CRAT: variants seen among roughly 807,000 people sequenced by gnomAD.
The protein encoded by CRAT is carnitine O-acetyltransferase.
CRAT carries 66 observed loss-of-function variants against 73.7 expected under a neutral mutation model. That is an observed-to-expected ratio of 0.90 (90% CI 0.73 to 1.10). The LOEUF (loss-of-function observed/expected upper bound fraction) is 1.10, where lower values mean the gene tolerates loss of function less well. Among genes scored for constraint, CRAT ranks in the 50% least tolerant of loss-of-function variants. The pLI, the probability that CRAT is intolerant of heterozygous loss-of-function variation, is 0.00. For synonymous variants in CRAT, 321 were observed against 343.2 expected (o/e 0.94, Z 0.71); for missense variants, 745 against 846.9 (o/e 0.88, Z 1.49).
At chr9:129,100,961 G>A (rs535539779) in intron 6 of CRAT, among the ~76,000 whole-genome samples, 1 of 152,296 alleles carries the variant, frequency 6.6e-6, no homozygotes, top group South Asian at 2.1e-4. Context: ...GGAAACCGAA[G>A]CCCAGGGGTC....
chr9:129,100,754 C>T (rs1847623239), intron 6 of CRAT, 65 bp from the exon 7 acceptor site: 2 of 1,529,186 alleles, frequency 1.3e-6, no homozygotes, highest in Non-Finnish European at 1.8e-6. Flanking sequence ...GATGGACCAG[C>T]CCCTCCGCAG....
rs1051784627 is a variant in CRAT, at chr9:129,101,808, A to G, written c.805+75T>C. 61 of 1,510,536 alleles carry G rather than the reference A, an allele frequency of 4.0e-5. 1 individual carries two copies. The highest frequency in any genetic ancestry group is 5.3e-5 in the Non-Finnish European group (59 of 1,110,236). The allele number at this position is 1,510,536 out of a possible 1,614,324, so 93.6% of individuals were successfully genotyped here. A position where few individuals can be genotyped will look rare whatever the true frequency, so the allele number is the denominator to read the frequency against. On this transcript the variant is annotated intron_variant, in intron 6 of 13. Transcript: ENST00000318080. The stretch of plus-strand genomic sequence containing the variant: ...TGCCAGCAGACTTCGGGTACCCTAC[A>G]GGTGGAGTTGAGGCTGGTCCCCAAC...
Position 129,097,998 on chromosome 9 carries a change from C to A in CRAT, c.1464+15G>T, listed in dbSNP as rs1285671163. 6.2e-7 allele frequency: 1 copy of A among 1,611,660 alleles called. No individual in the cohort carries two copies. The highest frequency in any genetic ancestry group is 8.5e-7 in the Non-Finnish European group (1 of 1,179,262). On this transcript the variant is annotated intron_variant, in intron 11 of 13. Transcript: ENST00000318080. ...CTCAGGCCCAGCTCACCCACCCTCG[C>A]CCCAGACCTCTCACCGTGACGCTGG...
In CRAT at chr9:129,102,411, G is replaced by A; in HGVS notation, c.619C>T (p.His207Tyr). 1.9e-6 allele frequency: 3 copies of A among 1,614,172 alleles called. No homozygotes were observed. The highest frequency in any genetic ancestry group is 2.5e-6 in the Non-Finnish European group (3 of 1,180,008). Residue 207 changes from histidine (H) to tyrosine (Y), a missense_variant, in exon 5 of 14, where the codon CAC becomes TAC. His to Tyr is a moderately conservative substitution (Grantham distance 83). Transcript: ENST00000318080. ...TGGGGGCCACCCACCTGGTAGTTGT[G>A]TACCACGGTGATGTGCGTGGGAGGC... ...KKPPTHITVV[H>Y]NYQFFELDVY...
chr9:129,099,050 C>A (rs1847485480), intron 8 of CRAT, among the ~76,000 whole-genome samples: 1 of 151,854 alleles, frequency 6.6e-6, no homozygotes, highest in Admixed American at 6.6e-5. Context: ...TCTCGGCTCA[C>A]TGCAACCTCC....
In CRAT at chr9:129,100,819, C is replaced by T. The variant is rs908243135; in HGVS notation, c.806-130G>A. 111 of 1,118,110 alleles carry T rather than the reference C, an allele frequency of 9.9e-5. No individual in the cohort carries two copies. The East Asian group carries it at 2.4e-3, about 24-fold the overall frequency. 69.3% of individuals were successfully genotyped at this position (1,118,110 alleles called of 1,614,324 possible). Reference sequence around the variant, plus strand: ...TGTACCTCTCTGGGATGAGGAGACCCCCCACCTCGCCGGCCCTCCAGGGCA... The same window carrying T: ...TGTACCTCTCTGGGATGAGGAGACCTCCCACCTCGCCGGCCCTCCAGGGCA... On this transcript the variant is annotated intron_variant, in intron 6 of 13. Transcript: ENST00000318080.
At chr9:129,101,481 G>A (rs1847668317) in intron 6 of CRAT, among the ~76,000 whole-genome samples, 1 of 152,224 alleles carries the variant, frequency 6.6e-6, no homozygotes, top group Admixed American at 6.5e-5. Context: ...ACACTGGGAA[G>A]TGGACAGATG....
intron 1 of CRAT, chr9:129,109,249 G>A: frequency 7.7e-7 from 1 of 1,304,228 alleles, no homozygotes; most frequent in Non-Finnish European, 1.0e-6. Context: ...CCTGGCCGCT[G>A]AGGTTACACC....
Position 129,094,922 on chromosome 9 carries a change from G to A in CRAT, c.*475C>T, listed in dbSNP as rs939777814. 2.8e-5 allele frequency: 5 copies of A among 179,102 alleles called. No individual in the cohort carries two copies. Among genetic ancestry groups the A allele is most frequent in the Admixed American group, 5.5e-5 (1 of 18,116 alleles). The allele number at this position is 179,102 out of a possible 1,614,324, so 11.1% of individuals were successfully genotyped here. On this transcript the variant is annotated 3_prime_UTR_variant, in exon 14 of 14. Transcript: ENST00000318080. ...CAATGTTATCCACAGGAGCACAGCCGCAACGGAGGTGAAACCTCACACCCT... is the reference window on the plus strand; with the variant it reads ...CAATGTTATCCACAGGAGCACAGCCACAACGGAGGTGAAACCTCACACCCT...
intron 2 of CRAT, among the ~76,000 whole-genome samples, chr9:129,104,903 CT>C (rs36193924): frequency 7.6e-4 from 79 of 103,464 alleles, no homozygotes; most frequent in East Asian, 2.7e-3. Context: ...TGTGCCCGGT[CT>C]TTTTTTTTTT....
Position 129,110,474 on chromosome 9 carries a change from C to G in CRAT, c.27+9G>C. The G allele has an allele frequency of 1.3e-6, 2 of 1,583,082 alleles. No homozygotes were observed. The highest frequency in any genetic ancestry group is 1.7e-6 in the Non-Finnish European group (2 of 1,171,584). On this transcript the variant is annotated intron_variant, in intron 1 of 13. Coordinates refer to ENST00000318080, the MANE Select transcript of CRAT (RefSeq NM_000755.5). This position sits in a 1 kb window ranked among gnomAD's most constrained non-coding sequence, Gnocchi z 5.3. ...CAGGGCCCTCAGGCCCGGGATCCGC[C>G]GCACTCACCACGGTCCTGGCAGCGA... is the stretch of plus-strand genomic sequence containing the variant.
Position 129,102,696 on chromosome 9 carries a change from A to G in CRAT, c.465-131T>C. On this transcript the variant is annotated intron_variant, in intron 4 of 13. Transcript: ENST00000318080. ...CTGCTCCCACTCCCAGATGAGCAGGACACCTCAGGGCTGTGCTGTGGGCAG... is the reference window on the plus strand; with the variant it reads ...CTGCTCCCACTCCCAGATGAGCAGGGCACCTCAGGGCTGTGCTGTGGGCAG... 6.4e-6 allele frequency: 7 copies of G among 1,091,448 alleles called. No individual in the cohort carries two copies. In the South Asian group the frequency reaches 9.8e-5, roughly 15 times the overall value. 67.6% of individuals were successfully genotyped at this position (1,091,448 alleles called of 1,614,324 possible). A position where few individuals can be genotyped will look rare whatever the true frequency, so the allele number is the denominator to read the frequency against.
At chr9:129,102,331 G>A (rs1382492296) in intron 5 of CRAT, 69 bp downstream of exon 5, 18 of 1,594,404 alleles carry the variant, frequency 1.1e-5, no homozygotes, top group Admixed American at 6.7e-5. Context: ...TGGGGAAGCC[G>A]ACTGCGGCCG....
rs200106516 is a variant in CRAT at position 129,107,738 on chromosome 9, G to A, written c.291+76C>T. ...AACTCTGGGCAGCAAACGAACGGCC[G>A]TGCCAGAGCAGTGGGCACTGGAGAA... On this transcript the variant is annotated intron_variant, in intron 2 of 13. Transcript: ENST00000318080. This position sits in a 1 kb window ranked among gnomAD's most constrained non-coding sequence, Gnocchi z 5.0. 74 of 1,603,896 alleles carry A rather than the reference G, an allele frequency of 4.6e-5. No homozygotes were observed. Among genetic ancestry groups the A allele is most frequent in the Non-Finnish European group, 5.6e-5 (66 of 1,172,820 alleles).
intron 2 of CRAT, among the ~76,000 whole-genome samples, chr9:129,105,560 G>A (rs1013583193): frequency 2.0e-5 from 3 of 151,850 alleles, no homozygotes; most frequent in Non-Finnish European, 4.4e-5. Context: ...GACCTCAAAT[G>A]ATCCACCTGC....
chr9:129,100,295 T>G, intron 7 of CRAT: 1 of 607,946 alleles, frequency 1.6e-6, no homozygotes. Flanking sequence ...GCTGAGGGGG[T>G]GTGCTGGGGG....
rs988846895 is a variant in CRAT at position 129,107,038 on chromosome 9, C to CT, written c.291+775dup. Among the ~76,000 whole-genome samples the CT allele has an allele frequency of 8.0e-5, 12 of 149,638 alleles. No homozygotes were observed. Among genetic ancestry groups the CT allele is most frequent in the Admixed American group, 2.7e-4 (4 of 14,972 alleles). On this transcript the variant is annotated intron_variant, in intron 2 of 13. Coordinates refer to ENST00000318080, the MANE Select transcript of CRAT (RefSeq NM_000755.5). This position sits in a 1 kb window ranked among gnomAD's most constrained non-coding sequence, Gnocchi z 5.0. ...GCCTCCCTCCCAGCAGCTGGGTCAC[C>CT]TTTTTTTTTTCCCAAGACAGAGTCT...
Position 129,107,496 on chromosome 9 carries a change from C to T in CRAT, c.291+318G>A, listed in dbSNP as rs1476572627. On this transcript the variant is annotated intron_variant, in intron 2 of 13. Transcript: ENST00000318080. This position sits in a 1 kb window ranked among gnomAD's most constrained non-coding sequence, Gnocchi z 5.0. ...ACACATATCCCCTGCCTGAGGCTGT[C>T]CCACCAAGCACAAGGGCATCTTCTA... The T allele has an allele frequency of 4.8e-6, 3 of 624,074 alleles. No homozygotes were observed. The African/African-American group carries it at 5.4e-5, about 11-fold the overall frequency. The allele number at this position is 624,074 out of a possible 1,614,324, so 38.7% of individuals were successfully genotyped here. A position where few individuals can be genotyped will look rare whatever the true frequency, so the allele number is the denominator to read the frequency against.
intron 12 of CRAT, 107 bp downstream of exon 12, chr9:129,097,143 C>T (rs1025259858): frequency 3.1e-6 from 3 of 969,250 alleles, no homozygotes; most frequent in Non-Finnish European, 3.0e-6. Flanking sequence ...GAGATGTGGT[C>T]CTAGCAAAGG....
Sources: gnomAD v4.1 joint callset for allele counts (sites outside exome capture counted in the v4.1 genomes callset) on GRCh38, gnomAD v4.1.1 for gene constraint, Gnocchi (gnomAD v3.1) non-coding constraint, MANE v1.5 for transcripts, NCBI Gene and HGNC (gene_info 2026-07-23, HGNC 2026-07-21) for gene names.